Variants in LAMA5 observed in about 807,000 individuals in gnomAD.
LAMA5 encodes the protein laminin subunit alpha-5.
Under a neutral mutation model 433.4 loss-of-function variants are expected in LAMA5, and 260 were observed. The ratio of observed to expected loss-of-function variants is 0.60; its 90% CI spans 0.54 to 0.66. The LOEUF (loss-of-function observed/expected upper bound fraction) is 0.66. Among genes scored for constraint, LAMA5 ranks in the 30% least tolerant of loss-of-function variants. The pLI, the probability that LAMA5 is intolerant of heterozygous loss-of-function variation, is 0.00. For synonymous variants in LAMA5, 2,620 were observed against 2,226.6 expected (o/e 1.18, Z -4.97); for missense variants, 5,378 against 5,258.5 (o/e 1.02, Z -0.70).
rs1462158408 is a variant in LAMA5 at position 62,362,290 on chromosome 20, C to A, written c.450+110G>T. 3 of 1,118,936 alleles carry A rather than the reference C, an allele frequency of 2.7e-6. No individual in the cohort carries two copies. In the East Asian group the frequency reaches 9.4e-5, roughly 35 times the overall value. The allele number at this position is 1,118,936 out of a possible 1,614,324, so 69.3% of individuals were successfully genotyped here. On this transcript the variant is annotated intron_variant, in intron 2 of 79. Coordinates refer to ENST00000252999, the MANE Select transcript of LAMA5 (RefSeq NM_005560.6). ...CCTTCGTGTCCAGCCTCCCAGGCCC[C>A]AGGTCTCGCTCACGGTGGAGACCTC...
At chr20:62,310,348 G>GC (rs775656929) in intron 76 of LAMA5, 37 bp from the exon 77 acceptor site, 3 of 1,573,620 alleles carry the variant, frequency 1.9e-6, no homozygotes, top group South Asian at 2.4e-5. Context: ...GAAAGGGGGG[G>GC]CCCCTCCCCA....
rs764678242 is a variant in LAMA5 at position 62,309,957 on chromosome 20, CAG to C, written c.10828+29_10828+30del. The C allele has an allele frequency of 1.9e-6, 3 of 1,606,926 alleles. No homozygotes were observed. The South Asian group carries it at 3.3e-5, about 18-fold the overall frequency. On this transcript the variant is annotated intron_variant, in intron 78 of 79. Coordinates refer to ENST00000252999, the MANE Select transcript of LAMA5 (RefSeq NM_005560.6). ...CCGCTCTGCAGAAGGGTGGGGGTGG[CAG>C]AGTGCCCTGGCCACAGGAGGGGCCT... is the stretch of plus-strand genomic sequence containing the variant.
chr20:62,367,123 G>A lies in LAMA5; in HGVS notation c.123C>T (p.Gly41=), dbSNP rs1437391905. 18 of 1,274,612 alleles carry A rather than the reference G, an allele frequency of 1.4e-5. No individual in the cohort carries two copies. Among genetic ancestry groups the A allele is most frequent in the Admixed American group, 3.9e-5 (1 of 25,572 alleles). The allele number at this position is 1,274,612 out of a possible 1,614,324, so 79.0% of individuals were successfully genotyped here. ...GAARAREEAG[G]GFSLHPPYFN... ...AGTAGGGCGGGTGCAGGCTGAAGCC[G>A]CCGCCCGCCTCCTCCCGCGCCCGCG... The change falls in exon 1 of 80, where the codon GGC becomes GGT. Residue 41 remains glycine (G), a synonymous_variant. Transcript: ENST00000252999.
intron 50 of LAMA5, 52 bp from the exon 51 acceptor site, chr20:62,319,847 T>C: frequency 6.9e-7 from 1 of 1,442,002 alleles, no homozygotes; most frequent in South Asian, 1.2e-5. Context: ...AGGGTCGGGG[T>C]GGCAAGGGAG....
chr20:62,337,226 C>CTT (rs1169066321), intron 16 of LAMA5, among the ~76,000 whole-genome samples: 2 of 152,048 alleles, frequency 1.3e-5, no homozygotes, highest in African/African-American at 2.4e-5. Context: ...CACGCGCCCA[C>CTT]ATGCGACACG....
At position 62,314,645 on chromosome 20, in the gene LAMA5, G is replaced by A. The variant is rs1362966922; in HGVS notation, c.8277C>T (p.Tyr2759=). Residue 2759 remains tyrosine, a synonymous_variant, in exon 61 of 80, where the codon TAC becomes TAT. Coordinates refer to ENST00000252999, the MANE Select transcript of LAMA5 (RefSeq NM_005560.6). ...TPRDLADLAA[Y]TALKFYLQGP... is the part of the protein sequence containing the mutation. Reference sequence around the variant, plus strand: ...CCTGCAGGTAGAACTTGAGGGCAGTGTAGGCAGCAAGGTCGGCAAGATCCC... The same window carrying A: ...CCTGCAGGTAGAACTTGAGGGCAGTATAGGCAGCAAGGTCGGCAAGATCCC... The A allele has an allele frequency of 4.3e-6, 7 of 1,612,496 alleles. No individual in the cohort carries two copies. Among genetic ancestry groups the A allele is most frequent in the South Asian group, 1.1e-5 (1 of 91,092 alleles).
rs767731889 is a variant in LAMA5 at position 62,327,563 on chromosome 20, T to C, written c.4904A>G (p.Glu1635Gly). Residue 1635 changes from glutamate to glycine, a missense_variant, in exon 37 of 80, where the codon GAG becomes GGG. Coordinates refer to ENST00000252999, the MANE Select transcript of LAMA5 (RefSeq NM_005560.6). ...CTRCFCFGAT[E>G]RCRSSSYTRQ... ...GGTGTAGGACGAGCTCCGGCAGCGC[T>C]CCGTGGCCCCAAAGCAGAAGCAGCG... 6.8e-6 allele frequency: 11 copies of C among 1,612,708 alleles called. No individual in the cohort carries two copies. Among genetic ancestry groups the C allele is most frequent in the Non-Finnish European group, 1.7e-6 (2 of 1,180,010 alleles).
intron 34 of LAMA5, 132 bp from the exon 35 acceptor site, chr20:62,328,577 G>T: frequency 1.0e-6 from 1 of 993,370 alleles, no homozygotes; most frequent in Non-Finnish European, 1.4e-6. Context: ...CCCTGCCCCG[G>T]GTGCTGAGCC....
intron 11 of LAMA5, among the ~76,000 whole-genome samples, chr20:62,339,279 C>T (rs1383105428): frequency 1.5e-5 from 2 of 133,122 alleles, no homozygotes; most frequent in East Asian, 4.7e-4. Flanking sequence ...GATCTGTCGC[C>T]CAGGCTAGAG....
chr20:62,335,124 G>A lies in LAMA5; in HGVS notation c.2379C>T (p.Gly793=). ...GGGGCTTGCAGAAGCACTGGCCGGT[G>A]CCCTGGGGGCCAAGGGAGGAGGTGA... The part of the protein sequence containing the change: ...TLGGVAECQP[G]TGQCFCKPHV... The change falls in exon 20 of 80, where the codon GGC becomes GGT. Residue 793 remains glycine (G), a splice_region_variant and synonymous_variant. Transcript: ENST00000252999. The A allele has an allele frequency of 6.2e-7, 1 of 1,612,854 alleles. No homozygotes were observed. The highest frequency in any genetic ancestry group is 2.2e-5 in the East Asian group (1 of 44,880).
chr20:62,317,751 T>A lies in LAMA5; in HGVS notation c.7267A>T (p.Asn2423Tyr). ...LQRKQELSRD[N>Y]ATLQATLHAA... Reference sequence around the variant, plus strand: ...TGCAGAGTGGCCTGCAGGGTGGCATTGTCCCGGGACAGCTCCTGCTTCCTT... The same window carrying A: ...TGCAGAGTGGCCTGCAGGGTGGCATAGTCCCGGGACAGCTCCTGCTTCCTT... The change falls in exon 54 of 80, where the codon AAT becomes TAT. Residue 2423 changes from asparagine to tyrosine, a missense_variant. Coordinates refer to ENST00000252999, the MANE Select transcript of LAMA5 (RefSeq NM_005560.6). 6.2e-7 allele frequency: 1 copy of A among 1,606,674 alleles called. No individual in the cohort carries two copies.
Position 62,333,251 on chromosome 20 carries a change from G to T in LAMA5, c.3129-8C>A. On this transcript the variant is annotated splice_region_variant and splice_polypyrimidine_tract_variant and intron_variant, in intron 25 of 79. Coordinates refer to ENST00000252999, the MANE Select transcript of LAMA5 (RefSeq NM_005560.6). ...TGTGTGTAGAGGAGGCAGCTGGGGG[G>T]ACACAGGCCGTGGTCAGCCCCAGGT... 1 of 1,552,602 alleles carries T rather than the reference G, an allele frequency of 6.4e-7. No individual in the cohort carries two copies. Among genetic ancestry groups the T allele is most frequent in the Non-Finnish European group, 8.7e-7 (1 of 1,146,616 alleles).
In LAMA5 at chr20:62,322,460, G is replaced by C. The variant is rs1180254839; in HGVS notation, c.6166-11C>G. 3.8e-6 allele frequency: 6 copies of C among 1,570,206 alleles called. No homozygotes were observed. The East Asian group carries it at 1.4e-4, about 37-fold the overall frequency. On this transcript the variant is annotated splice_polypyrimidine_tract_variant and intron_variant, in intron 46 of 79. Transcript: ENST00000252999. ...ACCAAAATGTCCCTCCTGTGGCACA[G>C]GCTGGTCACTGCCCTGCCCAGCCCT...
chr20:62,364,976 C>T (rs757121555), intron 1 of LAMA5, among the ~76,000 whole-genome samples: 9 of 152,270 alleles, frequency 5.9e-5, no homozygotes, highest in Admixed American at 2.0e-4. Flanking sequence ...CCAGACCGGC[C>T]GGCAAGGACT....
In LAMA5 at chr20:62,329,769, G is replaced by A; in HGVS notation, c.4119+8C>T. ...TGGTCCCTGAGCAGGACATCAGCTG[G>A]GACTCACCAGCCAGAGCCACCGGCC... On this transcript the variant is annotated splice_region_variant and intron_variant, in intron 32 of 79. Coordinates refer to ENST00000252999, the MANE Select transcript of LAMA5 (RefSeq NM_005560.6). 3 of 1,612,078 alleles carry A rather than the reference G, an allele frequency of 1.9e-6. No homozygotes were observed. The highest frequency in any genetic ancestry group is 2.7e-5 in the African/African-American group (2 of 75,026).
chr20:62,323,514 G>T lies in LAMA5; in HGVS notation c.6006C>A (p.Arg2002=). 6.4e-7 allele frequency: 1 copy of T among 1,569,490 alleles called. No homozygotes were observed. ...AGAAGCCGGGGGCACAGATCTCGCA[G>T]CGGGGCCCAGTGGTGTGGCGCAGGC... ...RGCLRHTTGP[R]CEICAPGFYG... The change falls in exon 45 of 80, where the codon CGC becomes CGA. Residue 2002 remains arginine, a synonymous_variant. Transcript: ENST00000252999.
chr20:62,318,603 G>A lies in LAMA5; in HGVS notation c.7090C>T (p.Gln2364Ter), dbSNP rs1987312937. The A allele has an allele frequency of 1.2e-6, 2 of 1,610,780 alleles. No homozygotes were observed. Among genetic ancestry groups the A allele is most frequent in the Non-Finnish European group, 1.7e-6 (2 of 1,179,074 alleles). ...TCGCGGGTTTGTGTGGCCAGTGCCT[G>A]GTTCTCCTCCCAGAGGCTGCTCAGC... Reference protein sequence around the residue: ...EQLSSLWEENQALATQTRDRL... With the variant: ...EQLSSLWEEN The change falls in exon 53 of 80, where the codon CAG (glutamine) becomes TAG (stop). Residue 2364 changes from glutamine (Q) to a stop codon, truncating the protein, a stop_gained. Coordinates refer to ENST00000252999, the MANE Select transcript of LAMA5 (RefSeq NM_005560.6). LOFTEE classifies it high-confidence loss of function.
In LAMA5 at chr20:62,319,691, G is replaced by A. The variant is rs1192440235; in HGVS notation, c.6864C>T (p.Thr2288=). The change falls in exon 51 of 80, where the codon ACC becomes ACT. Residue 2288 remains threonine, a synonymous_variant. Transcript: ENST00000252999. ...GGCTGGGCTGGCCCCTACCGCTCAG[G>A]GTGCGGTCCACAGCCCGGATGGCCG... ...LLAAIRAVDR[T]LSELMSQTGH... 6.5e-7 allele frequency: 1 copy of A among 1,540,396 alleles called. No individual in the cohort carries two copies. The highest frequency in any genetic ancestry group is 2.0e-5 in the Admixed American group (1 of 50,992).
In LAMA5 at chr20:62,331,074, C is replaced by T. The variant is rs376938303; in HGVS notation, c.3608G>A (p.Arg1203Gln). 77 of 1,604,092 alleles carry T rather than the reference C, an allele frequency of 4.8e-5. No homozygotes were observed. Among genetic ancestry groups the T allele is most frequent in the South Asian group, 4.3e-4 (39 of 90,034 alleles). ...GCCGTGGCTGCTGATGCAGCTGACC[C>T]GGGGCTCCACGAACTCCGGGCTGAA... ...EEFSPEFVEP[R>Q]VSCISSHGAF... Residue 1203 changes from arginine to glutamine, a missense_variant, in exon 29 of 80, where the codon CGG becomes CAG. By Grantham distance (43) the Arg-to-Gln change is conservative. Transcript: ENST00000252999.
Sources: gnomAD v4.1 joint callset for allele counts (sites outside exome capture counted in the v4.1 genomes callset) on GRCh38, gnomAD v4.1.1 for gene constraint, MANE v1.5 for transcripts, NCBI Gene and HGNC (gene_info 2026-07-23, HGNC 2026-07-21) for gene names.